ANKS1B: variants seen among roughly 807,000 people sequenced by gnomAD.
The protein encoded by ANKS1B is ankyrin repeat and sterile alpha motif domain-containing protein 1B.
Under a neutral mutation model 148.3 loss-of-function variants are expected in ANKS1B, and 36 were observed. The ratio of observed to expected loss-of-function variants is 0.24; its 90% CI spans 0.19 to 0.32. The LOEUF is 0.32. Ranked by LOEUF, ANKS1B falls within the 10% of genes least tolerant of loss-of-function variation. The pLI is 1.00. For missense variants in ANKS1B, 1,157 were observed against 1,542.6 expected, an observed-to-expected ratio of 0.75 and a Z score of 4.19; for synonymous variants, 542 against 560.8, an observed-to-expected ratio of 0.97 and a Z score of 0.47.
chr12:99,614,372 T>C (rs528748731), intron 9 of ANKS1B, among the ~76,000 whole-genome samples: 13 of 146,962 alleles, frequency 8.8e-5, no homozygotes, highest in Non-Finnish European at 1.8e-4. Flanking sequence ...GAGGCGGAGG[T>C]TGCAGTGAGT....
chr12:99,437,637 A>G (rs2095483538), intron 11 of ANKS1B, among the ~76,000 whole-genome samples: 2 of 151,910 alleles, frequency 1.3e-5, no homozygotes, highest in Admixed American at 1.3e-4. Flanking sequence ...CCAGGAATCC[A>G]GTGCTCTGTC....
intron 8 of ANKS1B, among the ~76,000 whole-genome samples, chr12:99,734,668 CT>C: frequency 6.6e-6 from 1 of 152,296 alleles, no homozygotes; most frequent in East Asian, 1.9e-4. Flanking sequence ...ATCTTTCTCC[CT>C]GCTTTCACTG....
chr12:99,427,571 C>A (rs554971959), intron 11 of ANKS1B, among the ~76,000 whole-genome samples: 1 of 152,254 alleles, frequency 6.6e-6, no homozygotes, highest in Admixed American at 6.5e-5. Context: ...AATTTACAGC[C>A]CTGATCACAA....
chr12:98,984,911 T>A (rs1467508982), intron 17 of ANKS1B, among the ~76,000 whole-genome samples: 1 of 152,128 alleles, frequency 6.6e-6, no homozygotes, highest in African/African-American at 2.4e-5. Context: ...CCTGGGAGGC[T>A]GAGGTAGAAG....
chr12:99,064,957 C>T (rs560271526), intron 16 of ANKS1B, among the ~76,000 whole-genome samples: 11 of 152,204 alleles, frequency 7.2e-5, no homozygotes, highest in African/African-American at 2.4e-4. Context: ...TGTTAAACAT[C>T]GTTATTTGTT....
intron 17 of ANKS1B, among the ~76,000 whole-genome samples, chr12:98,921,690 T>C (rs17028903): frequency 0.091 from 13,860 of 152,176 alleles, 768 homozygotes; most frequent in Admixed American, 0.18. Context: ...GTTTGCCTGC[T>C]TTGGCATGCT....
intron 1 of ANKS1B, among the ~76,000 whole-genome samples, chr12:99,951,742 G>T (rs1386243043): frequency 6.6e-6 from 1 of 151,970 alleles, no homozygotes; most frequent in Non-Finnish European, 1.5e-5. Flanking sequence ...AAATTAGCCA[G>T]GCACAATGGC....
chr12:99,470,311 A>T (rs2096219619), intron 10 of ANKS1B, among the ~76,000 whole-genome samples: 1 of 152,124 alleles, frequency 6.6e-6, no homozygotes. Flanking sequence ...TTCATTATAC[A>T]ATCACTGGTC....
intron 17 of ANKS1B, among the ~76,000 whole-genome samples, chr12:98,856,619 T>C (rs1276177914): frequency 6.6e-6 from 1 of 152,134 alleles, no homozygotes; most frequent in African/African-American, 2.4e-5. Flanking sequence ...TTTAATGTGA[T>C]GGTGAGGAGA....
At chr12:99,924,591 G>A (rs1182403994) in intron 1 of ANKS1B, among the ~76,000 whole-genome samples, 1 of 152,064 alleles carries the variant, frequency 6.6e-6, no homozygotes, top group South Asian at 2.1e-4. Context: ...GTATTAAGAG[G>A]TGGAACCTTT....
rs139630961 is a variant in ANKS1B at position 99,587,805 on chromosome 12, C to CA, written c.1272+67261dup. Among the ~76,000 whole-genome samples the CA allele has an allele frequency of 1.7e-3, 250 of 150,996 alleles. 2 individuals are homozygous for CA. The East Asian group carries it at 0.039, about 24-fold the overall frequency. ...GTAGTTTTACATGGGATCTTTAGCA[C>CA]AAAAAAAATGACCTAGGTAAAAAAT... On this transcript the variant is annotated intron_variant, in intron 9 of 26. Transcript: ENST00000683438.
chr12:98,858,536 C>T (rs1280337619), intron 17 of ANKS1B, among the ~76,000 whole-genome samples: 4 of 152,104 alleles, frequency 2.6e-5, no homozygotes, highest in Admixed American at 6.5e-5. Flanking sequence ...GATGGGGTTT[C>T]GTCATGTTGC....
intron 12 of ANKS1B, among the ~76,000 whole-genome samples, chr12:99,270,838 A>G (rs531163641): frequency 8.5e-5 from 13 of 152,376 alleles, no homozygotes; most frequent in African/African-American, 3.1e-4. Context: ...AGTTCAAAAA[A>G]GAATATTTTA....
intron 14 of ANKS1B, 106 bp from the exon 15 acceptor site, chr12:99,154,501 G>C: frequency 6.2e-7 from 1 of 1,608,454 alleles, no homozygotes; most frequent in Non-Finnish European, 8.5e-7. Flanking sequence ...ATGCCCCTGG[G>C]AAAGTTGCTA....
chr12:99,954,939 T>C (rs2095292618), intron 1 of ANKS1B, among the ~76,000 whole-genome samples: 1 of 152,200 alleles, frequency 6.6e-6, no homozygotes, highest in Non-Finnish European at 1.5e-5. Context: ...TGGCTCAAGC[T>C]CATTCTCTCC....
intron 16 of ANKS1B, among the ~76,000 whole-genome samples, chr12:99,061,203 A>T (rs1419230954): frequency 6.6e-6 from 1 of 152,156 alleles, no homozygotes; most frequent in Non-Finnish European, 1.5e-5. Flanking sequence ...GTGGAATGCT[A>T]ATGAAAGTGT....
chr12:99,178,143 C>A (rs11109753), intron 14 of ANKS1B, among the ~76,000 whole-genome samples: 1 of 152,100 alleles, frequency 6.6e-6, no homozygotes, highest in African/African-American at 2.4e-5. Flanking sequence ...GTCATTCCAA[C>A]GCCATACTCT....
intron 14 of ANKS1B, among the ~76,000 whole-genome samples, chr12:99,184,392 C>G (rs575812858): frequency 6.6e-6 from 1 of 152,242 alleles, no homozygotes; most frequent in South Asian, 2.1e-4. Flanking sequence ...TACAGTTTAG[C>G]TCCATTTGGG....
intron 14 of ANKS1B, among the ~76,000 whole-genome samples, chr12:99,184,958 T>C (rs530176261): frequency 2.6e-4 from 39 of 152,318 alleles, no homozygotes; most frequent in African/African-American, 9.1e-4. Flanking sequence ...CACATATACA[T>C]CCTATATATT....
Sources: gnomAD v4.1 joint callset for allele counts (sites outside exome capture counted in the v4.1 genomes callset) on GRCh38, gnomAD v4.1.1 for gene constraint, MANE v1.5 for transcripts, NCBI Gene and HGNC (gene_info 2026-07-23, HGNC 2026-07-21) for gene names.